Variants in TRIM66 observed in about 807,000 individuals in gnomAD.
The protein encoded by TRIM66 is tripartite motif containing 66.
A neutral mutation model predicts 148.2 loss-of-function variants in TRIM66; 99 were observed. The ratio of observed to expected loss-of-function variants is 0.67; its 90% CI spans 0.57 to 0.79. The LOEUF (loss-of-function observed/expected upper bound fraction) is 0.79. Among genes scored for constraint, TRIM66 ranks in the 30% least tolerant of loss-of-function variants. TRIM66 has a pLI of 0.00. For missense variants in TRIM66, 1,666 were observed against 1,697.9 expected (o/e 0.98, Z 0.33); for synonymous variants, 616 against 635.9 (o/e 0.97, Z 0.47).
At chr11:8,658,219 C>CT (rs1333303333) in intron 6 of TRIM66, among the ~76,000 whole-genome samples, 3 of 152,254 alleles carry the variant, frequency 2.0e-5, no homozygotes, top group Non-Finnish European at 1.5e-5. Flanking sequence ...GAAGGCTCTG[C>CT]AGCAATTTTC....
intron 17 of TRIM66, among the ~76,000 whole-genome samples, chr11:8,624,028 C>A (rs1464076825): frequency 6.6e-6 from 1 of 152,190 alleles, no homozygotes; most frequent in Non-Finnish European, 1.5e-5. Context: ...GTCAGACATG[C>A]TCTTTTCCCT....
chr11:8,661,696 C>A (rs137982443), intron 6 of TRIM66, among the ~76,000 whole-genome samples: 4 of 152,290 alleles, frequency 2.6e-5, no homozygotes, highest in African/African-American at 9.6e-5. Context: ...TCAGCAGGAT[C>A]CTAGCCCTTC....
chr11:8,645,779 T>G lies in TRIM66; in HGVS notation c.1066A>C (p.Ser356Arg), dbSNP rs1180288807. The G allele has an allele frequency of 1.9e-6, 3 of 1,551,788 alleles. No homozygotes were observed. Among genetic ancestry groups the G allele is most frequent in the South Asian group, 1.2e-5 (1 of 84,056 alleles). ...AAAAGAAAAGGGACACTGGTTTTGC[T>G]GCAGACAGCCCAGTTGATGAAATTC... ...VQNFINWAVC[S>R]KTSVPFLFSK... The change falls in exon 12 of 25, where the codon AGC becomes CGC. Residue 356 changes from serine (S) to arginine (R), a missense_variant. By Grantham distance (110) the Ser-to-Arg change is moderately radical. This residue lies in a region of TRIM66 where 1,431 missense variants were observed against 1,412.4 expected (regional missense o/e 1.01). Coordinates refer to ENST00000646038, the MANE Select transcript of TRIM66 (RefSeq NM_001388022.1).
intron 15 of TRIM66, among the ~76,000 whole-genome samples, chr11:8,626,918 C>T (rs2034905418): frequency 6.6e-6 from 1 of 152,202 alleles, no homozygotes; most frequent in African/African-American, 2.4e-5. Flanking sequence ...TATCCTCACC[C>T]CCTTCAGATG....
At chr11:8,654,869 G>T (rs1036089535) in intron 6 of TRIM66, among the ~76,000 whole-genome samples, 5 of 150,458 alleles carry the variant, frequency 3.3e-5, no homozygotes, top group South Asian at 2.1e-4. Context: ...GTTTGTTTTT[G>T]TTTTTTTTTG....
intron 15 of TRIM66, among the ~76,000 whole-genome samples, chr11:8,634,703 A>T (rs2035725292): frequency 6.6e-6 from 1 of 152,226 alleles, no homozygotes; most frequent in Non-Finnish European, 1.5e-5. Context: ...AGCTCAAGCC[A>T]CTAGAAAATC....
intron 6 of TRIM66, 184 bp downstream of exon 6, chr11:8,671,602 A>G: frequency 1.7e-6 from 1 of 576,422 alleles, no homozygotes. Context: ...CTTACAAAAC[A>G]GATATATTAG....
chr11:8,624,509 G>C lies in TRIM66; in HGVS notation c.2869C>G (p.Gln957Glu). The C allele has an allele frequency of 6.5e-7, 1 of 1,542,502 alleles. No homozygotes were observed. The highest frequency in any genetic ancestry group is 8.7e-7 in the Non-Finnish European group (1 of 1,144,476). Residue 957 changes from glutamine to glutamate, a missense_variant, in exon 17 of 25, where the codon CAA (glutamine) becomes GAA (glutamate). Around this residue, in one of 3 missense-constraint regions of TRIM66, gnomAD observed 1,431 missense variants for 1,412.4 expected, o/e 1.01. Transcript: ENST00000646038. Reference protein sequence around the residue: ...DSTRFTDLLGQGPIVPGLDAP... With the variant: ...DSTRFTDLLGEGPIVPGLDAP... ...TCCAGACCGGGGACTATGGGACCTT[G>C]TCCCAGTAAGTCAGTGAAGCGAGTG... is the stretch of plus-strand genomic sequence containing the variant.
At position 8,622,339 on chromosome 11, in the gene TRIM66, AAC is replaced by A. The variant is rs150269400; in HGVS notation, c.3080+475_3080+476del. 1.9e-3 allele frequency among the ~76,000 whole-genome samples: 134 copies of A among 71,422 alleles called. 10 individuals carry two copies. Among genetic ancestry groups the A allele is most frequent in the African/African-American group, 4.6e-3 (96 of 21,030 alleles). 46.9% of individuals were successfully genotyped at this position (71,422 alleles called of 152,430 possible). Reference sequence around the variant, plus strand: ...TATATATGGAAGTACACACACACACAACACACACACACACACACACACACACA... The same window carrying A: ...TATATATGGAAGTACACACACACACAACACACACACACACACACACACACA... On this transcript the variant is annotated intron_variant, in intron 18 of 24. Coordinates refer to ENST00000646038, the MANE Select transcript of TRIM66 (RefSeq NM_001388022.1).
Position 8,646,551 on chromosome 11 carries a change from C to T in TRIM66, c.853G>A (p.Val285Met). 6.4e-7 allele frequency: 1 copy of T among 1,551,664 alleles called. No homozygotes were observed. The highest frequency in any genetic ancestry group is 8.7e-7 in the Non-Finnish European group (1 of 1,146,868). ...AKQIEDRIFE[V>M]KHQHRKVENQ... Reference sequence around the variant, plus strand: ...TCCACCTTCCTATGCTGATGCTTCACTTCAAAAATCCTGTAAACACAATGG... The same window carrying T: ...TCCACCTTCCTATGCTGATGCTTCATTTCAAAAATCCTGTAAACACAATGG... The change falls in exon 11 of 25, where the codon GTG (valine) becomes ATG (methionine). Residue 285 changes from valine (V) to methionine (M), a missense_variant. Val to Met is a conservative substitution (Grantham distance 21). This residue lies in a region of TRIM66 where 1,431 missense variants were observed against 1,412.4 expected (regional missense o/e 1.01). Coordinates refer to ENST00000646038, the MANE Select transcript of TRIM66 (RefSeq NM_001388022.1).
chr11:8,658,365 T>C (rs1462963607), intron 6 of TRIM66, among the ~76,000 whole-genome samples: 1 of 152,180 alleles, frequency 6.6e-6, no homozygotes. Context: ...AGGAACTAGC[T>C]CTGTCGCCCT....
At position 8,625,149 on chromosome 11, in the gene TRIM66, A is replaced by G. The variant is rs1356298101; in HGVS notation, c.2390T>C (p.Leu797Pro). The G allele has an allele frequency of 6.5e-7, 1 of 1,548,984 alleles. No individual in the cohort carries two copies. The highest frequency in any genetic ancestry group is 8.7e-7 in the Non-Finnish European group (1 of 1,145,134). Residue 797 changes from leucine to proline, a missense_variant, in exon 16 of 25, where the codon CTA (leucine) becomes CCA (proline). Around this residue, in one of 3 missense-constraint regions of TRIM66, gnomAD observed 1,431 missense variants for 1,412.4 expected, o/e 1.01. Transcript: ENST00000646038. ...GCTCACACTCTGGATCTGTGGCTCT[A>G]GGGGCCTCTCCAACCTGGTAGATGA... is the stretch of plus-strand genomic sequence containing the variant. ...ELSSTRLERPLEPQIQSVSNL... is the reference protein window; with the variant it reads ...ELSSTRLERPPEPQIQSVSNL...
chr11:8,672,083 G>A lies in TRIM66; in HGVS notation c.43C>T (p.Arg15Cys), dbSNP rs958627240. 20 of 1,519,368 alleles carry A rather than the reference G, an allele frequency of 1.3e-5. No individual in the cohort carries two copies. The highest frequency in any genetic ancestry group is 4.8e-5 in the South Asian group (4 of 83,040). 94.1% of individuals were successfully genotyped at this position (1,519,368 alleles called of 1,614,324 possible). A position where few individuals can be genotyped will look rare whatever the true frequency, so the allele number is the denominator to read the frequency against. Reference protein sequence around the residue: ...SFWSQGVELARSTRCFSPEDI... With the variant: ...SFWSQGVELACSTRCFSPEDI... ...TCAGGTGAGAAGCAGCGTGTAGAGC[G>A]AGCCAGCTCCACTCCCTGTAAGTGA... The change falls in exon 6 of 25, where the codon CGC (arginine) becomes TGC (cysteine). Residue 15 changes from arginine (R) to cysteine (C), a missense_variant. Arg to Cys is a radical substitution (Grantham distance 180, BLOSUM62 -3). Around this residue, in one of 3 missense-constraint regions of TRIM66, gnomAD observed 1,431 missense variants for 1,412.4 expected, o/e 1.01. Coordinates refer to ENST00000646038, the MANE Select transcript of TRIM66 (RefSeq NM_001388022.1).
intron 6 of TRIM66, among the ~76,000 whole-genome samples, chr11:8,657,682 C>G (rs984205387): frequency 4.6e-5 from 7 of 152,094 alleles, no homozygotes; most frequent in African/African-American, 1.4e-4. Flanking sequence ...CTCCCACCCC[C>G]GGGCAGCCCC....
At chr11:8,660,893 G>A (rs1373916786) in intron 6 of TRIM66, among the ~76,000 whole-genome samples, 1 of 152,182 alleles carries the variant, frequency 6.6e-6, no homozygotes, top group East Asian at 1.9e-4. Flanking sequence ...GGTCTCTTTG[G>A]AAAGTCTTGT....
At chr11:8,636,997 T>G (rs2035937308) in intron 15 of TRIM66, among the ~76,000 whole-genome samples, 1 of 152,164 alleles carries the variant, frequency 6.6e-6, no homozygotes, top group African/African-American at 2.4e-5. Context: ...AGCTCCCTAG[T>G]TGCCATTCCT....
At chr11:8,618,351 TAAGA>T (rs1361827757) in intron 24 of TRIM66, among the ~76,000 whole-genome samples, 1 of 152,216 alleles carries the variant, frequency 6.6e-6, no homozygotes, top group African/African-American at 2.4e-5. Context: ...ACCAAGGGGC[TAAGA>T]AAGATCCCTT....
intron 6 of TRIM66, among the ~76,000 whole-genome samples, chr11:8,671,510 C>A (rs1478568101): frequency 6.6e-6 from 1 of 152,220 alleles, no homozygotes; most frequent in Non-Finnish European, 1.5e-5. Flanking sequence ...TCTGGGGAGG[C>A]AGCCAAACTT....
rs1384902768 is a variant in TRIM66, at chr11:8,671,911, T to C, written c.215A>G (p.His72Arg). 1.3e-6 allele frequency: 2 copies of C among 1,536,140 alleles called. No homozygotes were observed. The highest frequency in any genetic ancestry group is 2.4e-5 in the East Asian group (1 of 40,916). The change falls in exon 6 of 25, where the codon CAT (histidine) becomes CGT (arginine). Residue 72 changes from histidine (H) to arginine (R), a missense_variant. Physicochemically the swap from His to Arg is conservative, Grantham distance 29. Around this residue, in one of 3 missense-constraint regions of TRIM66, gnomAD observed 1,431 missense variants for 1,412.4 expected, o/e 1.01. Coordinates refer to ENST00000646038, the MANE Select transcript of TRIM66 (RefSeq NM_001388022.1). ...AGAGCCCATACCTGGCAGGTCCTGA[T>C]GGCACAATGAGCAGGTCATTACCAT... ...EAMVMTCSLC[H>R]QDLPGMGSHL... is the part of the protein sequence containing the mutation.
Sources: allele counts gnomAD v4.1 joint callset (sites outside exome capture counted in the v4.1 genomes callset), GRCh38; gene constraint gnomAD v4.1.1; regional missense constraint gnomAD v4.1.1; transcripts MANE v1.5; gene names NCBI Gene and HGNC (gene_info 2026-07-23, HGNC 2026-07-21).